The following LRP1B variants were observed in gnomAD, a reference collection of about 807,000 sequenced individuals.
The protein encoded by LRP1B is LDL receptor related protein 1B, also known as low-density lipoprotein receptor-related protein 1B.
Under a neutral mutation model 556.6 loss-of-function variants are expected in LRP1B, and 217 were observed. That is an observed-to-expected ratio of 0.39 (90% confidence interval 0.35 to 0.44). The LOEUF (loss-of-function observed/expected upper bound fraction) is 0.44. Among genes scored for constraint, LRP1B ranks in the 20% least tolerant of loss-of-function variants. The pLI is 1.00. For synonymous variants in LRP1B, 2,047 were observed against 1,865.8 expected, an observed-to-expected ratio of 1.10 and a Z score of -2.50; for missense variants, 5,053 against 5,620.8, an observed-to-expected ratio of 0.90 and a Z score of 3.23.
At chr2:142,044,650 G>A (rs561956355) in intron 1 of LRP1B, among the ~76,000 whole-genome samples, 10 of 151,502 alleles carry the variant, frequency 6.6e-5, no homozygotes, top group South Asian at 2.1e-4. Context: ...TTACACAATC[G>A]AAAAGCCCCA....
intron 7 of LRP1B, among the ~76,000 whole-genome samples, chr2:141,071,513 G>A (rs1699642380): frequency 6.6e-6 from 1 of 152,108 alleles, no homozygotes; most frequent in African/African-American, 2.4e-5. Context: ...GGGCAATTAG[G>A]CAGGAGAAGG....
intron 41 of LRP1B, among the ~76,000 whole-genome samples, chr2:140,681,635 C>T (rs946315407): frequency 1.5e-4 from 23 of 151,622 alleles, no homozygotes; most frequent in East Asian, 3.9e-4. Context: ...GATAATTTAA[C>T]GAAAAAAAGA....
chr2:140,674,705 C>T (rs943052609), intron 41 of LRP1B, among the ~76,000 whole-genome samples: 3 of 152,196 alleles, frequency 2.0e-5, no homozygotes, highest in African/African-American at 7.2e-5. Flanking sequence ...CACGTGTTCT[C>T]AGGACCTCCT....
At chr2:141,691,708 G>A (rs1194645419) in intron 2 of LRP1B, among the ~76,000 whole-genome samples, 1 of 151,778 alleles carries the variant, frequency 6.6e-6, no homozygotes, top group Non-Finnish European at 1.5e-5. Context: ...TATGATTTCA[G>A]TTGCTTCCAA....
At chr2:140,708,792 G>C (rs1421902160) in intron 37 of LRP1B, among the ~76,000 whole-genome samples, 1 of 151,758 alleles carries the variant, frequency 6.6e-6, no homozygotes, top group Non-Finnish European at 1.5e-5. Context: ...TAGCTGCCCA[G>C]AGCCTATACT....
chr2:140,303,802 T>TCC (rs111420037), intron 83 of LRP1B, among the ~76,000 whole-genome samples: 4 of 151,184 alleles, frequency 2.6e-5, no homozygotes. Flanking sequence ...ATCCTATCCC[T>TCC]CCCCCCCTCC....
At chr2:140,488,597 G>C (rs545693550) in intron 57 of LRP1B, among the ~76,000 whole-genome samples, 50 of 152,014 alleles carry the variant, frequency 3.3e-4, no homozygotes, top group Middle Eastern at 3.4e-3. Context: ...GATTGCCTAG[G>C]AATTAGTTTA....
intron 2 of LRP1B, among the ~76,000 whole-genome samples, chr2:141,750,371 A>T (rs182791598): frequency 6.6e-6 from 1 of 152,134 alleles, no homozygotes; most frequent in Non-Finnish European, 1.5e-5. Flanking sequence ...CTGTACTTTC[A>T]AGCTATTTCT....
chr2:140,909,825 A>G lies in LRP1B; in HGVS notation c.3320-1748T>C, dbSNP rs182822172. Among the ~76,000 whole-genome samples the G allele has an allele frequency of 2.3e-4, 35 of 151,252 alleles. No homozygotes were observed. In the East Asian group the frequency reaches 4.6e-3, roughly 20 times the overall value. On this transcript the variant is annotated intron_variant, in intron 21 of 90. Transcript: ENST00000389484. ...AAAAACAGATTTCATATCTATAGAG[A>G]GCATATACTAGAAGAAAAGGCCAAT...
intron 1 of LRP1B, among the ~76,000 whole-genome samples, chr2:142,080,159 T>G (rs1705659225): frequency 6.6e-6 from 1 of 152,134 alleles, no homozygotes. Flanking sequence ...TCCCCACATG[T>G]GTCAAATAAA....
chr2:141,316,709 C>T (rs930451264), intron 3 of LRP1B, among the ~76,000 whole-genome samples: 1 of 152,162 alleles, frequency 6.6e-6, no homozygotes, highest in African/African-American at 2.4e-5. Flanking sequence ...GATAATATAT[C>T]CTCAGTAAGC....
intron 68 of LRP1B, among the ~76,000 whole-genome samples, chr2:140,375,334 G>A (rs1172557608): frequency 1.3e-5 from 2 of 151,868 alleles, no homozygotes; most frequent in Non-Finnish European, 2.9e-5. Flanking sequence ...GATGTTAGCA[G>A]CTCATCTTGT....
At chr2:141,030,050 C>A (rs1218301216) in intron 11 of LRP1B, among the ~76,000 whole-genome samples, 6 of 152,128 alleles carry the variant, frequency 3.9e-5, no homozygotes, top group South Asian at 2.1e-4. Flanking sequence ...AATGATATTT[C>A]TCAGACTCTT....
chr2:140,517,709 C>CAT, intron 49 of LRP1B, among the ~76,000 whole-genome samples: 1 of 125,442 alleles, frequency 8.0e-6, no homozygotes, highest in Non-Finnish European at 1.6e-5. Flanking sequence ...TTTATCTTTC[C>CAT]TTTTTTTTTT....
At chr2:141,096,785 A>G (rs1479267781) in intron 7 of LRP1B, among the ~76,000 whole-genome samples, 1 of 152,200 alleles carries the variant, frequency 6.6e-6, no homozygotes, top group Non-Finnish European at 1.5e-5. Flanking sequence ...TTGATAACAT[A>G]CTACCATATC....
chr2:141,455,089 T>C (rs1293114905), intron 3 of LRP1B, among the ~76,000 whole-genome samples: 6 of 152,148 alleles, frequency 3.9e-5, no homozygotes, highest in East Asian at 3.9e-4. Context: ...CCAAGAACTT[T>C]TGCAAACATG....
intron 73 of LRP1B, among the ~76,000 whole-genome samples, chr2:140,358,341 T>A (rs976027211): frequency 1.9e-4 from 29 of 151,768 alleles, no homozygotes; most frequent in African/African-American, 6.7e-4. Context: ...TACAGAAAAA[T>A]TTTAAAATAT....
At chr2:140,801,894 A>G (rs1220399972) in intron 32 of LRP1B, among the ~76,000 whole-genome samples, 1 of 152,136 alleles carries the variant, frequency 6.6e-6, no homozygotes, top group Non-Finnish European at 1.5e-5. Flanking sequence ...ACAAGAAGTT[A>G]AGTTCCTAAC....
rs147889700 is a variant in LRP1B at position 140,791,500 on chromosome 2, T to G, written c.5360-15262A>C. On this transcript the variant is annotated intron_variant, in intron 32 of 90. Coordinates refer to ENST00000389484, the MANE Select transcript of LRP1B (RefSeq NM_018557.3). The stretch of plus-strand genomic sequence containing the variant: ...GGACTTTCCGGCATTCTAGGCAGGT[T>G]GTGACTTGGAATCAAAGTAATGTGA... 8.5e-5 allele frequency among the ~76,000 whole-genome samples: 13 copies of G among 152,250 alleles called. No homozygotes were observed. The East Asian group carries it at 2.1e-3, about 25-fold the overall frequency.
Sources: gnomAD v4.1 joint callset for allele counts (sites outside exome capture counted in the v4.1 genomes callset) on GRCh38, gnomAD v4.1.1 for gene constraint, MANE v1.5 for transcripts, NCBI Gene and HGNC (gene_info 2026-07-23, HGNC 2026-07-21) for gene names.